Variants in MGRN1 observed in about 807,000 individuals in gnomAD.
The protein encoded by MGRN1 is E3 ubiquitin-protein ligase MGRN1.
Under a neutral mutation model 69.2 loss-of-function variants are expected in MGRN1, and 29 were observed. That is an observed-to-expected ratio of 0.42 (90% CI 0.31 to 0.57). The LOEUF (loss-of-function observed/expected upper bound fraction) is 0.57. MGRN1 is among the 20% of genes least tolerant of loss of function. MGRN1 has a pLI of 0.15. For synonymous variants in MGRN1, 470 were observed against 344.2 expected, an observed-to-expected ratio of 1.37 and a Z score of -4.04; for missense variants, 998 against 796.2, an observed-to-expected ratio of 1.25 and a Z score of -3.05.
intron 10 of MGRN1, among the ~76,000 whole-genome samples, chr16:4,675,986 T>A (rs780525189): frequency 2.6e-5 from 4 of 152,202 alleles, no homozygotes. Flanking sequence ...CTGGCCTGGG[T>A]CCTGGCGGTG....
rs1490353946 is a variant in MGRN1, at chr16:4,624,829, G to A, written c.-132G>A. ...GTCCCCGGGCCGAGCCGGGGGTGGG[G>A]GCTCGAGGCGCCTCCGCGGCCGTGG... is the stretch of plus-strand genomic sequence containing the variant. On this transcript the variant is annotated 5_prime_UTR_variant, in exon 1 of 17. Transcript: ENST00000262370. 3.1e-6 allele frequency: 2 copies of A among 649,806 alleles called. No homozygotes were observed. Among genetic ancestry groups the A allele is most frequent in the Non-Finnish European group, 4.5e-6 (2 of 445,558 alleles). The allele number at this position is 649,806 out of a possible 1,614,324, so 40.3% of individuals were successfully genotyped here.
chr16:4,656,024 G>A lies in MGRN1; in HGVS notation c.444-1222G>A, dbSNP rs1307845945. ...CTCTTCTGCCTTTGTGTGTACAGTG[G>A]TGGCCCCCCCACGCCCCATCCCATT... On this transcript the variant is annotated intron_variant, in intron 4 of 16. Coordinates refer to ENST00000262370, the MANE Select transcript of MGRN1 (RefSeq NM_015246.4). Among the ~76,000 whole-genome samples, 4 of 152,356 alleles carry A rather than the reference G, an allele frequency of 2.6e-5. No homozygotes were observed. The East Asian group carries it at 5.8e-4, about 22-fold the overall frequency.
chr16:4,677,421 G>A, intron 10 of MGRN1, 42 bp from the exon 11 acceptor site: 3 of 1,470,006 alleles, frequency 2.0e-6, no homozygotes, highest in Non-Finnish European at 2.7e-6. Context: ...TCGGGGCTGG[G>A]TGTGTCGCCT....
chr16:4,642,584 A>G (rs1354152517), intron 1 of MGRN1, among the ~76,000 whole-genome samples: 1 of 151,854 alleles, frequency 6.6e-6, no homozygotes, highest in Non-Finnish European at 1.5e-5. Context: ...TCGGCCTCCC[A>G]AAGTGCTGGG....
Position 4,624,842 on chromosome 16 carries a change from T to A in MGRN1, c.-119T>A. On this transcript the variant is annotated 5_prime_UTR_variant, in exon 1 of 17. Transcript: ENST00000262370. ...GCCGGGGGTGGGGGCTCGAGGCGCC[T>A]CCGCGGCCGTGGACGAGCGTCCGTG... The A allele has an allele frequency of 1.2e-6, 1 of 803,506 alleles. No homozygotes were observed. Among genetic ancestry groups the A allele is most frequent in the Non-Finnish European group, 1.7e-6 (1 of 578,296 alleles). The allele number at this position is 803,506 out of a possible 1,614,324, so 49.8% of individuals were successfully genotyped here.
intron 4 of MGRN1, among the ~76,000 whole-genome samples, chr16:4,655,707 C>A (rs1202665179): frequency 1.3e-5 from 2 of 152,178 alleles, no homozygotes; most frequent in Non-Finnish European, 2.9e-5. Context: ...CAGCAGGGAT[C>A]ACAGAAAAGG....
At chr16:4,661,116 G>T (rs1471015538) in intron 5 of MGRN1, among the ~76,000 whole-genome samples, 1 of 151,810 alleles carries the variant, frequency 6.6e-6, no homozygotes, top group African/African-American at 2.4e-5. Context: ...CAGTAGCTGG[G>T]ACTACAGGTG....
intron 11 of MGRN1, among the ~76,000 whole-genome samples, chr16:4,677,901 C>G (rs2079089075): frequency 6.7e-6 from 1 of 150,050 alleles, no homozygotes; most frequent in Non-Finnish European, 1.5e-5. Flanking sequence ...GGTGTGCACC[C>G]AAAGTGGTGC....
In MGRN1 at chr16:4,688,835, C is replaced by A. The variant is rs1186843004; in HGVS notation, c.1658C>A (p.Thr553Asn). 1.9e-6 allele frequency: 3 copies of A among 1,553,938 alleles called. No homozygotes were observed. The South Asian group carries it at 3.5e-5, about 18-fold the overall frequency. The change falls in exon 17 of 17, where the codon ACC becomes AAC. Residue 553 changes from threonine (T) to asparagine (N), a missense_variant. By Grantham distance (65) the Thr-to-Asn change is moderately conservative. Transcript: ENST00000262370. ...ATGGAGACGGCCCACGGCCTCGCCA[C>A]CACCAGCCCCACCTGGCCTCCACTT... is the stretch of plus-strand genomic sequence containing the variant. Reference protein sequence around the residue: ...TSMETAHGLATTSPTWPPLGG... With the variant: ...TSMETAHGLANTSPTWPPLGG...
chr16:4,652,479 C>A (rs918006565), intron 3 of MGRN1, among the ~76,000 whole-genome samples, 199 bp from the exon 4 acceptor site: 3 of 152,194 alleles, frequency 2.0e-5, no homozygotes, highest in Admixed American at 6.5e-5. Context: ...ACCCCGTCTT[C>A]TGTGGGCAGG....
At chr16:4,663,575 T>C (rs532991910) in intron 5 of MGRN1, among the ~76,000 whole-genome samples, 4 of 152,206 alleles carry the variant, frequency 2.6e-5, no homozygotes, top group Non-Finnish European at 5.9e-5. Context: ...ATTGCTGTTC[T>C]GTGCCAGACA....
rs1006551213 is a variant in MGRN1, at chr16:4,683,825, C to G, written c.1529-18C>G. The G allele has an allele frequency of 2.0e-5, 32 of 1,610,594 alleles. 1 individual carries two copies. In the Middle Eastern group the frequency reaches 6.6e-4, roughly 33 times the overall value. On this transcript the variant is annotated intron_variant, in intron 15 of 16. Coordinates refer to ENST00000262370, the MANE Select transcript of MGRN1 (RefSeq NM_015246.4). ...TGGCCCCTGCCTGTAGGTCCCTAAC[C>G]TCACCCTCTGCCTGCAGGGACCCGA...
intron 4 of MGRN1, among the ~76,000 whole-genome samples, chr16:4,655,900 C>G (rs944942943): frequency 3.3e-5 from 5 of 152,262 alleles, no homozygotes; most frequent in African/African-American, 9.6e-5. Context: ...CTGGGGTCCA[C>G]CTGAGGGTGG....
chr16:4,647,083 G>C (rs1310135131), intron 1 of MGRN1, among the ~76,000 whole-genome samples: 1 of 152,254 alleles, frequency 6.6e-6, no homozygotes, highest in Non-Finnish European at 1.5e-5. Context: ...TGGTCAGCAG[G>C]GTCACTGGGC....
At chr16:4,657,133 G>C in intron 4 of MGRN1, 113 bp from the exon 5 acceptor site, 1 of 991,038 alleles carries the variant, frequency 1.0e-6, no homozygotes, top group Admixed American at 2.0e-5. Flanking sequence ...CCATGAGAGA[G>C]GGTCCCCAAA....
At chr16:4,679,935 A>T in intron 11 of MGRN1, 97 bp from the exon 12 acceptor site, 5 of 1,165,216 alleles carry the variant, frequency 4.3e-6, no homozygotes, top group Non-Finnish European at 6.2e-6. Context: ...GTTCTGCGCC[A>T]CGGTGTGGCA....
chr16:4,635,643 CTTTTTTTTT>C (rs1027505612), intron 1 of MGRN1, among the ~76,000 whole-genome samples: 6 of 146,952 alleles, frequency 4.1e-5, no homozygotes, highest in Non-Finnish European at 9.0e-5. Context: ...ACTTTTTTTT[CTTTTTTTTT>C]GAGACAGAGT....
At chr16:4,635,468 CT>C (rs960475923) in intron 1 of MGRN1, among the ~76,000 whole-genome samples, 8 of 148,846 alleles carry the variant, frequency 5.4e-5, no homozygotes, top group African/African-American at 9.9e-5. Context: ...CTAACATATT[CT>C]TTTTTTTTTC....
At chr16:4,654,975 A>G (rs2078499001) in intron 4 of MGRN1, among the ~76,000 whole-genome samples, 1 of 152,194 alleles carries the variant, frequency 6.6e-6, no homozygotes, top group Admixed American at 6.5e-5. Flanking sequence ...TTCTTTAATG[A>G]CACTAGTAAT....
Sources: gnomAD v4.1 joint callset for allele counts (sites outside exome capture counted in the v4.1 genomes callset) on GRCh38, gnomAD v4.1.1 for gene constraint, MANE v1.5 for transcripts, NCBI Gene and HGNC (gene_info 2026-07-23, HGNC 2026-07-21) for gene names.